The following MAP4K5 variants were observed in gnomAD, a reference collection of about 807,000 sequenced individuals.
MAP4K5 encodes mitogen-activated protein kinase kinase kinase kinase 5, also known as MAPK/ERK kinase kinase kinase 5.
A neutral mutation model predicts 135.6 loss-of-function variants in MAP4K5; 82 were observed. The ratio of observed to expected loss-of-function variants is 0.60; its 90% CI spans 0.51 to 0.73. MAP4K5 has a LOEUF of 0.73. MAP4K5 is among the 30% of genes least tolerant of loss of function. MAP4K5 has a pLI of 0.00. For synonymous variants in MAP4K5, 347 were observed against 335.0 expected (o/e 1.04, Z -0.39); for missense variants, 907 against 1,010.9 (o/e 0.90, Z 1.39).
chr14:50,492,810 T>C (rs1250024299), intron 3 of MAP4K5, among the ~76,000 whole-genome samples: 4 of 152,122 alleles, frequency 2.6e-5, no homozygotes, highest in Admixed American at 6.5e-5. Flanking sequence ...ATAATTGTTT[T>C]ATTCCATATT....
At chr14:50,544,806 A>G (rs904582579) in intron 1 of MAP4K5, among the ~76,000 whole-genome samples, 1 of 151,950 alleles carries the variant, frequency 6.6e-6, no homozygotes, top group Non-Finnish European at 1.5e-5. Context: ...GCATGGTGGC[A>G]TGACGCTATA....
chr14:50,489,170 CAT>C (rs1476658896), intron 3 of MAP4K5, among the ~76,000 whole-genome samples: 1 of 152,106 alleles, frequency 6.6e-6, no homozygotes, highest in African/African-American at 2.4e-5. Context: ...GCCTGGGCAA[CAT>C]AGAGAGATCT....
intron 13 of MAP4K5, among the ~76,000 whole-genome samples, chr14:50,460,703 T>C (rs2036692877): frequency 6.6e-6 from 1 of 152,196 alleles, no homozygotes; most frequent in African/African-American, 2.4e-5. Flanking sequence ...CATGACAGGA[T>C]TATGCTATAT....
intron 2 of MAP4K5, among the ~76,000 whole-genome samples, chr14:50,528,018 A>G (rs1169687017): frequency 6.6e-6 from 1 of 152,134 alleles, no homozygotes; most frequent in Non-Finnish European, 1.5e-5. Flanking sequence ...GAGGTAGTTG[A>G]GAATCTAAAT....
chr14:50,531,807 A>T, intron 2 of MAP4K5, 135 bp downstream of exon 2: 1 of 718,094 alleles, frequency 1.4e-6, no homozygotes, highest in Non-Finnish European at 2.5e-6. Flanking sequence ...ACCGAGTAAA[A>T]GGGACCCCGG....
At chr14:50,519,378 G>C (rs2038100226) in intron 2 of MAP4K5, among the ~76,000 whole-genome samples, 1 of 152,078 alleles carries the variant, frequency 6.6e-6, no homozygotes, top group Admixed American at 6.5e-5. Flanking sequence ...TGTATCACCA[G>C]GTACAGTGGC....
At chr14:50,539,942 C>T (rs1193410727) in intron 2 of MAP4K5, among the ~76,000 whole-genome samples, 1 of 152,134 alleles carries the variant, frequency 6.6e-6, no homozygotes, top group Non-Finnish European at 1.5e-5. Flanking sequence ...CTGTTATAGT[C>T]ATTCTGCTTA....
In MAP4K5 at chr14:50,429,716, T is replaced by C. The variant is rs111378769; in HGVS notation, c.2165-456A>G. Among the ~76,000 whole-genome samples, 48 of 152,312 alleles carry C rather than the reference T, an allele frequency of 3.2e-4. 2 individuals carry two copies. The highest frequency in any genetic ancestry group is 2.5e-3 in the Admixed American group (38 of 15,302). ...AAGGGCACAGGATCAATGAAATCTA[T>C]AGTAAGACAGAAATTTTCCTGGTAT... is the stretch of plus-strand genomic sequence containing the variant. On this transcript the variant is annotated intron_variant, in intron 28 of 32. Transcript: ENST00000682126.
chr14:50,441,470 A>G (rs2036224464), intron 21 of MAP4K5, among the ~76,000 whole-genome samples: 2 of 152,140 alleles, frequency 1.3e-5, no homozygotes, highest in African/African-American at 4.8e-5. Flanking sequence ...AGGACTCATT[A>G]TACAAACCCC....
Position 50,446,096 on chromosome 14 carries a change from G to C in MAP4K5, c.1168C>G (p.Pro390Ala). 6.4e-7 allele frequency: 1 copy of C among 1,571,772 alleles called. No individual in the cohort carries two copies. The highest frequency in any genetic ancestry group is 8.6e-7 in the Non-Finnish European group (1 of 1,161,522). Residue 390 changes from proline to alanine, a missense_variant, in exon 17 of 33, where the codon CCT (proline) becomes GCT (alanine). Coordinates refer to ENST00000682126, the MANE Select transcript of MAP4K5 (RefSeq NM_006575.6). Reference sequence around the variant, plus strand: ...TAGCTCACCTTAGGAGGTAGGGGAGGTGGTATTGCACGTTTTGAGGTTGAT... The same window carrying C: ...TAGCTCACCTTAGGAGGTAGGGGAGCTGGTATTGCACGTTTTGAGGTTGAT... ...GKSTSKRAIP[P>A]PLPPKPRISS...
chr14:50,497,166 T>C (rs1038710415), intron 3 of MAP4K5, among the ~76,000 whole-genome samples: 8 of 152,136 alleles, frequency 5.3e-5, no homozygotes, highest in Admixed American at 5.2e-4. Context: ...AGTGACACAA[T>C]GGTGGCAATC....
chr14:50,506,508 G>A (rs1256123128), intron 2 of MAP4K5, among the ~76,000 whole-genome samples: 2 of 151,970 alleles, frequency 1.3e-5, no homozygotes, highest in African/African-American at 4.8e-5. Context: ...ACAGACACCT[G>A]CCACTACACT....
At chr14:50,508,722 A>G (rs1354526308) in intron 2 of MAP4K5, among the ~76,000 whole-genome samples, 1 of 152,088 alleles carries the variant, frequency 6.6e-6, no homozygotes, top group East Asian at 1.9e-4. Context: ...TAAAAAAAAA[A>G]AGGCAACAAC....
chr14:50,474,980 T>G, intron 9 of MAP4K5, 97 bp downstream of exon 9: 1 of 1,061,608 alleles, frequency 9.4e-7, no homozygotes, highest in Non-Finnish European at 1.4e-6. Flanking sequence ...CAAATCTCCC[T>G]ACTTTTAATT....
chr14:50,463,951 A>T, intron 12 of MAP4K5, 101 bp downstream of exon 12: 7 of 480,028 alleles, frequency 1.5e-5, no homozygotes, highest in Non-Finnish European at 2.2e-5. Flanking sequence ...CTGCTGTAAG[A>T]GATCACTAAC....
At chr14:50,547,348 G>C (rs2140154670) in intron 1 of MAP4K5, among the ~76,000 whole-genome samples, 1 of 152,260 alleles carries the variant, frequency 6.6e-6, no homozygotes, top group East Asian at 1.9e-4. Context: ...TTATAATAGA[G>C]GGCATTGGTT....
intron 3 of MAP4K5, among the ~76,000 whole-genome samples, chr14:50,493,167 A>C (rs1173307742): frequency 6.6e-6 from 1 of 152,060 alleles, no homozygotes; most frequent in Non-Finnish European, 1.5e-5. Flanking sequence ...GGACACGATC[A>C]TTGCTCACTG....
chr14:50,496,480 A>G (rs1265577642), intron 3 of MAP4K5, among the ~76,000 whole-genome samples: 4 of 152,086 alleles, frequency 2.6e-5, no homozygotes, highest in African/African-American at 7.2e-5. Flanking sequence ...ATATATATAT[A>G]CACACACACA....
chr14:50,447,608 T>C, intron 15 of MAP4K5, 127 bp from the exon 16 acceptor site: 1 of 611,864 alleles, frequency 1.6e-6, no homozygotes, highest in South Asian at 2.3e-5. Flanking sequence ...TTTTTTAATC[T>C]CTAGCTAGAT....
Sources: gnomAD v4.1 joint callset for allele counts (sites outside exome capture counted in the v4.1 genomes callset) on GRCh38, gnomAD v4.1.1 for gene constraint, MANE v1.5 for transcripts, NCBI Gene and HGNC (gene_info 2026-07-23, HGNC 2026-07-21) for gene names.